FGD4: variants seen among roughly 807,000 people sequenced by gnomAD.
The protein encoded by FGD4 is FYVE, RhoGEF and PH domain containing 4, also known as FYVE, RhoGEF and PH domain-containing protein 4.
FGD4 carries 42 observed loss-of-function variants against 102.0 expected under a neutral mutation model. That is an observed-to-expected ratio of 0.41 (90% confidence interval 0.32 to 0.53). The LOEUF (loss-of-function observed/expected upper bound fraction) is 0.53, where lower values mean the gene tolerates loss of function less well. Among genes scored for constraint, FGD4 ranks in the 20% least tolerant of loss-of-function variants. The pLI is 0.21. For missense variants in FGD4, 902 were observed against 1,078.2 expected, an observed-to-expected ratio of 0.84 and a Z score of 2.29; for synonymous variants, 380 against 375.7, an observed-to-expected ratio of 1.01 and a Z score of -0.13.
At chr12:32,601,545 T>A in intron 6 of FGD4, 122 bp downstream of exon 6, 1 of 1,163,582 alleles carries the variant, frequency 8.6e-7, no homozygotes, top group Non-Finnish European at 1.2e-6. Flanking sequence ...ATTTTTACAT[T>A]AAAGACTACT....
chr12:32,535,160 C>T (rs534568326), intron 1 of FGD4, among the ~76,000 whole-genome samples: 35 of 152,222 alleles, frequency 2.3e-4, no homozygotes, highest in Non-Finnish European at 1.2e-4. Flanking sequence ...AATCATGTGA[C>T]GGGAAATGTC....
intron 1 of FGD4, among the ~76,000 whole-genome samples, chr12:32,465,624 C>T (rs185349597): frequency 5.3e-4 from 81 of 151,680 alleles, no homozygotes; most frequent in African/African-American, 1.7e-3. Context: ...GCTGAGATCG[C>T]GCCACTGCGC....
At chr12:32,509,241 CTTTTTT>C (rs35053299) in intron 1 of FGD4, among the ~76,000 whole-genome samples, 1 of 132,690 alleles carries the variant, frequency 7.5e-6, no homozygotes, top group Non-Finnish European at 1.6e-5. Context: ...CTTTTATTCT[CTTTTTT>C]TTTTTTTTTT....
chr12:32,552,860 C>A (rs1384269015), intron 1 of FGD4, among the ~76,000 whole-genome samples: 1 of 151,742 alleles, frequency 6.6e-6, no homozygotes, highest in African/African-American at 2.4e-5. Context: ...TCACCGCAAC[C>A]TCCACCTCCT....
intron 1 of FGD4, among the ~76,000 whole-genome samples, chr12:32,493,502 C>T (rs923555531): frequency 8.5e-5 from 13 of 152,238 alleles, no homozygotes; most frequent in Admixed American, 6.5e-4. Context: ...GCTGCTTGAC[C>T]TGCTTCAGAC....
At chr12:32,636,462 G>A (rs748615109) in intron 15 of FGD4, among the ~76,000 whole-genome samples, 7 of 152,004 alleles carry the variant, frequency 4.6e-5, no homozygotes, top group African/African-American at 7.2e-5. Context: ...GAACCTGGGC[G>A]GCGGAGGTGT....
chr12:32,554,966 A>T (rs754148295), intron 1 of FGD4, among the ~76,000 whole-genome samples: 6 of 152,248 alleles, frequency 3.9e-5, no homozygotes, highest in Non-Finnish European at 5.9e-5. Flanking sequence ...CTCTCAGTAG[A>T]ATGTGGATCC....
At chr12:32,433,333 C>T (rs573410158) in intron 1 of FGD4, among the ~76,000 whole-genome samples, 80 of 152,052 alleles carry the variant, frequency 5.3e-4, no homozygotes, top group African/African-American at 1.9e-3. Context: ...AGCTGATTCA[C>T]TTTAAAAATA....
chr12:32,570,328 ATT>A (rs944789978), intron 2 of FGD4, among the ~76,000 whole-genome samples: 1 of 150,332 alleles, frequency 6.7e-6, no homozygotes, highest in African/African-American at 2.4e-5. Flanking sequence ...TTTAATTTGT[ATT>A]TCCCTGAAAT....
chr12:32,563,731 G>A (rs1159279778), intron 1 of FGD4, among the ~76,000 whole-genome samples: 1 of 152,216 alleles, frequency 6.6e-6, no homozygotes, highest in African/African-American at 2.4e-5. Flanking sequence ...GAGTGAACCA[G>A]ACTCCATCTG....
Position 32,625,654 on chromosome 12 carries a change from A to C in FGD4, c.2047A>C (p.Thr683Pro). The change falls in exon 14 of 17, where the codon ACT (threonine) becomes CCT (proline). Residue 683 changes from threonine to proline, a missense_variant and splice_region_variant. Thr to Pro is a conservative substitution (Grantham distance 38, BLOSUM62 -1). Transcript: ENST00000534526. ...KDNDIHSEVS[T>P]AELGKRAPRW... The stretch of plus-strand genomic sequence containing the variant: ...AATTGAATCTTTCTTCCCTTTTTAG[A>C]CTGCTGAGCTAGGGAAAAGAGCCCC... 6.2e-7 allele frequency: 1 copy of C among 1,613,904 alleles called. No individual in the cohort carries two copies. Among genetic ancestry groups the C allele is most frequent in the Non-Finnish European group, 8.5e-7 (1 of 1,179,926 alleles).
intron 1 of FGD4, among the ~76,000 whole-genome samples, chr12:32,404,657 A>C (rs1265646436): frequency 6.6e-6 from 1 of 152,206 alleles, no homozygotes; most frequent in Non-Finnish European, 1.5e-5. Flanking sequence ...AACGTAAAGC[A>C]ATAACCATAG....
intron 1 of FGD4, among the ~76,000 whole-genome samples, chr12:32,536,261 G>A (rs780687895): frequency 6.6e-6 from 1 of 152,150 alleles, no homozygotes; most frequent in African/African-American, 2.4e-5. Context: ...ACATCCAAAT[G>A]TACATGTAAC....
intron 1 of FGD4, among the ~76,000 whole-genome samples, chr12:32,510,655 G>A (rs1939266514): frequency 6.6e-6 from 1 of 152,110 alleles, no homozygotes; most frequent in African/African-American, 2.4e-5. Context: ...AGATTATATA[G>A]TAAGAACTTA....
intron 1 of FGD4, among the ~76,000 whole-genome samples, chr12:32,537,782 T>C (rs1345813481): frequency 6.6e-6 from 1 of 152,216 alleles, no homozygotes; most frequent in Non-Finnish European, 1.5e-5. Context: ...GCTAGCAGAG[T>C]ATTAGTGAGA....
At chr12:32,462,789 G>C (rs1188155876) in intron 1 of FGD4, among the ~76,000 whole-genome samples, 1 of 152,130 alleles carries the variant, frequency 6.6e-6, no homozygotes, top group Non-Finnish European at 1.5e-5. Flanking sequence ...GCTTAAAATA[G>C]TGCTTTCAGG....
chr12:32,470,468 T>C (rs938026557), intron 1 of FGD4, among the ~76,000 whole-genome samples: 59 of 147,874 alleles, frequency 4.0e-4, no homozygotes, highest in Non-Finnish European at 7.4e-4. Context: ...TTTTTCTTTT[T>C]TTTTTTTTTT....
intron 15 of FGD4, among the ~76,000 whole-genome samples, chr12:32,637,048 CTTT>C (rs920177828): frequency 4.6e-5 from 4 of 86,406 alleles, no homozygotes; most frequent in Non-Finnish European, 2.4e-5. Context: ...TTTTTTTCTT[CTTT>C]TTTTTTTTTT....
At chr12:32,549,569 A>T (rs1943491459) in intron 1 of FGD4, among the ~76,000 whole-genome samples, 1 of 152,216 alleles carries the variant, frequency 6.6e-6, no homozygotes, top group Non-Finnish European at 1.5e-5. Context: ...GCCTGTGTAT[A>T]ATTGGCCCTG....
Sources: allele counts gnomAD v4.1 joint callset (sites outside exome capture counted in the v4.1 genomes callset), GRCh38; gene constraint gnomAD v4.1.1; transcripts MANE v1.5; gene names NCBI Gene and HGNC (gene_info 2026-07-23, HGNC 2026-07-21).